Variants in EPS15 observed in about 807,000 individuals in gnomAD.
The protein encoded by EPS15 is epidermal growth factor receptor pathway substrate 15.
In EPS15, 72 loss-of-function variants were observed where a neutral mutation model predicts 113.8. The observed-to-expected ratio is 0.63, with a 90% CI of 0.52 to 0.77. The LOEUF (loss-of-function observed/expected upper bound fraction) is 0.77, where lower values mean the gene tolerates loss of function less well. Ranked by LOEUF, EPS15 falls within the 30% of genes least tolerant of loss-of-function variation. EPS15 has a pLI of 0.00. For missense variants in EPS15, 1,048 were observed against 1,045.8 expected (o/e 1.00, Z -0.03); for synonymous variants, 344 against 363.4 (o/e 0.95, Z 0.61).
intron 5 of EPS15, among the ~76,000 whole-genome samples, 159 bp from the exon 6 acceptor site, chr1:51,465,485 GA>G (rs951479814): frequency 4.6e-5 from 7 of 152,112 alleles, no homozygotes; most frequent in African/African-American, 1.7e-4. Context: ...AAATAACAAT[GA>G]AACAAAGTGA....
At chr1:51,373,985 C>T (rs2148366773) in intron 21 of EPS15, among the ~76,000 whole-genome samples, 1 of 152,246 alleles carries the variant, frequency 6.6e-6, no homozygotes, top group South Asian at 2.1e-4. Context: ...AGGACAGTCA[C>T]AGCTTGTGGT....
intron 8 of EPS15, among the ~76,000 whole-genome samples, chr1:51,459,400 G>A (rs1293589452): frequency 6.6e-6 from 1 of 152,212 alleles, no homozygotes; most frequent in African/African-American, 2.4e-5. Flanking sequence ...GTGAGGCTGA[G>A]GCGGGAGAAT....
intron 12 of EPS15, 49 bp downstream of exon 12, chr1:51,440,298 T>A (rs973016891): frequency 1.4e-6 from 1 of 695,308 alleles, no homozygotes. Context: ...TGTGTGTGTG[T>A]GTGTGTGTGT....
At chr1:51,459,948 TA>T (rs1654305822) in intron 8 of EPS15, among the ~76,000 whole-genome samples, 2 of 151,554 alleles carry the variant, frequency 1.3e-5, no homozygotes, top group Admixed American at 6.6e-5. Flanking sequence ...AAATTTAAAA[TA>T]AAAAGAATAA....
chr1:51,509,509 A>G (rs973515206), intron 1 of EPS15, among the ~76,000 whole-genome samples: 2 of 152,196 alleles, frequency 1.3e-5, no homozygotes, highest in Non-Finnish European at 1.5e-5. Flanking sequence ...ATTACAGCTA[A>G]TGGTTCCAGG....
chr1:51,409,410 A>T, intron 14 of EPS15, 125 bp downstream of exon 14: 1 of 835,036 alleles, frequency 1.2e-6, no homozygotes, highest in South Asian at 1.9e-5. Flanking sequence ...GCCCCCATGA[A>T]CCCAAATGCT....
At chr1:51,364,126 T>C in intron 22 of EPS15, 98 bp from the exon 23 acceptor site, 1 of 910,124 alleles carries the variant, frequency 1.1e-6, no homozygotes, top group Non-Finnish European at 1.5e-6. Flanking sequence ...TACAGTTTTA[T>C]TTATTTTAAT....
intron 10 of EPS15, among the ~76,000 whole-genome samples, chr1:51,446,098 G>A (rs907026832): frequency 9.2e-5 from 14 of 152,128 alleles, no homozygotes; most frequent in Non-Finnish European, 1.6e-4. Context: ...ACAACCATGT[G>A]GCCCCACTTG....
intron 21 of EPS15, among the ~76,000 whole-genome samples, chr1:51,374,848 T>G (rs1646748836): frequency 6.6e-6 from 1 of 151,764 alleles, no homozygotes; most frequent in Non-Finnish European, 1.5e-5. Context: ...GAATTACAGG[T>G]GCATGCCACC....
intron 7 of EPS15, chr1:51,463,218 T>A (rs1654608265): frequency 6.6e-6 from 1 of 152,418 alleles, no homozygotes; most frequent in African/African-American, 2.4e-5. Flanking sequence ...AGTCAAAGAA[T>A]TAGTCTTGCT....
chr1:51,354,516 G>A lies in EPS15; in HGVS notation c.*2184C>T, dbSNP rs1397663896. On this transcript the variant is annotated 3_prime_UTR_variant, in exon 25 of 25. Transcript: ENST00000371733. ...TTTAAGAGAAAATTCTATAAAGAGA[G>A]CTCAAATAAACATGAATCAGTATGT... 2 of 184,080 alleles carry A rather than the reference G, an allele frequency of 1.1e-5. No individual in the cohort carries two copies. Among genetic ancestry groups the A allele is most frequent in the African/African-American group, 2.3e-5 (1 of 42,566 alleles). The allele number at this position is 184,080 out of a possible 1,614,324, so 11.4% of individuals were successfully genotyped here.
At chr1:51,387,236 G>A (rs1647106206) in intron 21 of EPS15, among the ~76,000 whole-genome samples, 2 of 151,868 alleles carry the variant, frequency 1.3e-5, no homozygotes, top group South Asian at 4.2e-4. Context: ...ATAAGTGAAG[G>A]AGAAATAAAA....
At position 51,408,251 on chromosome 1, in the gene EPS15, C is replaced by T; in HGVS notation, c.1357G>A (p.Glu453Lys). The T allele has an allele frequency of 6.2e-7, 1 of 1,613,982 alleles. No homozygotes were observed. The highest frequency in any genetic ancestry group is 1.1e-5 in the South Asian group (1 of 91,086). Residue 453 changes from glutamate (E) to lysine (K), a missense_variant, in exon 15 of 25, where the codon GAG becomes AAG. Coordinates refer to ENST00000371733, the MANE Select transcript of EPS15 (RefSeq NM_001981.3). ...GTTTCTTGCTGTAGACGGCTCAGCT[C>T]TTCTCTAGCTTTTGCCAATTCTTCT... The part of the protein sequence containing the change: ...YEEELAKARE[E>K]LSRLQQETAE...
chr1:51,369,074 T>A (rs761518576), intron 21 of EPS15, among the ~76,000 whole-genome samples: 1 of 152,198 alleles, frequency 6.6e-6, no homozygotes. Context: ...ATGTGTGCAA[T>A]AGCCTCAGTT....
chr1:51,473,169 T>C (rs992346048), intron 2 of EPS15, among the ~76,000 whole-genome samples: 2 of 152,170 alleles, frequency 1.3e-5, no homozygotes, highest in Admixed American at 1.3e-4. Flanking sequence ...TATCATGCCC[T>C]ACCATACAAA....
intron 24 of EPS15, among the ~76,000 whole-genome samples, chr1:51,357,358 C>CA (rs1416251891): frequency 1.0e-5 from 1 of 97,992 alleles, no homozygotes; most frequent in Non-Finnish European, 1.8e-5. Flanking sequence ...GCCTGGGTGA[C>CA]AAAGTGAGAT....
chr1:51,488,492 A>AC (rs916178659), intron 1 of EPS15, among the ~76,000 whole-genome samples: 1 of 151,282 alleles, frequency 6.6e-6, no homozygotes, highest in African/African-American at 2.4e-5. Context: ...AAAAAAAAAA[A>AC]AAAACTCAGA....
At chr1:51,388,689 C>T (rs958850449) in intron 21 of EPS15, among the ~76,000 whole-genome samples, 2 of 152,118 alleles carry the variant, frequency 1.3e-5, no homozygotes, top group Admixed American at 6.5e-5. Context: ...ACTACAAACA[C>T]CTCTATGCAA....
At chr1:51,458,670 G>T (rs1024147873) in intron 8 of EPS15, 2 of 382,592 alleles carry the variant, frequency 5.2e-6, no homozygotes, top group African/African-American at 2.2e-5. Context: ...CCAGGAGGCC[G>T]AGGCTGCAGT....
Sources: gnomAD v4.1 joint callset for allele counts (sites outside exome capture counted in the v4.1 genomes callset) on GRCh38, gnomAD v4.1.1 for gene constraint, MANE v1.5 for transcripts, NCBI Gene and HGNC (gene_info 2026-07-23, HGNC 2026-07-21) for gene names.